The following ERVW-1 variants were observed in gnomAD, a reference collection of about 807,000 sequenced individuals.
ERVW-1 encodes the protein endogenous retrovirus group W member 1, envelope, also known as syncytin-1.
ERVW-1 carries 21 observed loss-of-function variants against 16.6 expected under a neutral mutation model. The ratio of observed to expected loss-of-function variants is 1.26; its 90% CI spans 0.90 to 1.82. The LOEUF (loss-of-function observed/expected upper bound fraction) is 1.82, where lower values mean the gene tolerates loss of function less well. ERVW-1 is among the 40% of genes most tolerant of loss of function. ERVW-1 has a pLI of 0.00. For synonymous variants in ERVW-1, 161 were observed against 109.8 expected (o/e 1.47, Z -2.92); for missense variants, 412 against 300.2 (o/e 1.37, Z -2.75).
chr7:92,470,237 C>T lies in ERVW-1; in HGVS notation c.145G>A (p.Ala49Thr), dbSNP rs771588172. The change falls in exon 2 of 2, where the codon GCC (alanine) becomes ACC (threonine). Residue 49 changes from alanine to threonine, a missense_variant. Transcript: ENST00000603053. Reference sequence around the variant, plus strand: ...TTAGAAAGACTCCTATACGATGGGGCATCAATATTTCCGGGACGCTGCATT... The same window carrying T: ...TTAGAAAGACTCCTATACGATGGGGTATCAATATTTCCGGGACGCTGCATT... ...WRMQRPGNID[A>T]PSYRSLSKGT... 1.3e-6 allele frequency: 1 copy of T among 778,652 alleles called. No individual in the cohort carries two copies. Among genetic ancestry groups the T allele is most frequent in the Non-Finnish European group, 2.4e-6 (1 of 417,868 alleles). 48.2% of individuals were successfully genotyped at this position (778,652 alleles called of 1,614,324 possible). A position where few individuals can be genotyped will look rare whatever the true frequency, so the allele number is the denominator to read the frequency against.
rs531884309 is a variant in ERVW-1, at chr7:92,470,173, C to T, written c.209G>A (p.Arg70His). 1.9e-5 allele frequency: 15 copies of T among 778,552 alleles called. No individual in the cohort carries two copies. The highest frequency in any genetic ancestry group is 7.3e-5 in the East Asian group (3 of 41,238). 48.2% of individuals were successfully genotyped at this position (778,552 alleles called of 1,614,324 possible). Residue 70 changes from arginine to histidine, a missense_variant, in exon 2 of 2, where the codon CGC becomes CAC. Arg to His is a conservative substitution (Grantham distance 29, BLOSUM62 0). Transcript: ENST00000603053. ...PTFTAHTHMP[R>H]NCYHSATLCM... ...AAGAGTGGCAGAGTGATAGCAGTTG[C>T]GGGGCATATGGGTGTGGGCAGTGAA...
Position 92,470,071 on chromosome 7 carries a change from A to T in ERVW-1, c.311T>A (p.Val104Asp). 1 of 778,828 alleles carries T rather than the reference A, an allele frequency of 1.3e-6. No homozygotes were observed. The allele number at this position is 778,828 out of a possible 1,614,324, so 48.2% of individuals were successfully genotyped here. ...PSCPGGLGVTVCWTYFTQTGM... is the reference protein window; with the variant it reads ...PSCPGGLGVTDCWTYFTQTGM... ...AGTTTGGGTGAAGTAAGTCCAACAG[A>T]CAGTGACTCCAAGTCCTCCAGGACA... is the stretch of plus-strand genomic sequence containing the variant. The change falls in exon 2 of 2, where the codon GTC becomes GAC. Residue 104 changes from valine (V) to aspartate (D), a missense_variant. Val to Asp is a radical substitution (Grantham distance 152). Transcript: ENST00000603053.
At chr7:92,475,732 C>G (rs919708045) in intron 1 of ERVW-1, among the ~76,000 whole-genome samples, 5 of 152,202 alleles carry the variant, frequency 3.3e-5, no homozygotes, top group African/African-American at 1.2e-4. Flanking sequence ...CCAGCATGCC[C>G]AACATTGCCT....
At position 92,470,314 on chromosome 7, in the gene ERVW-1, G is replaced by T. The variant is rs1357182500; in HGVS notation, c.68C>A (p.Pro23His). ...GCTACTGGTCATACAGCGGCATGGA[G>T]GGGGTGCAGTGAGAGTGAAAGAGGG... is the stretch of plus-strand genomic sequence containing the variant. ...LLPSFTLTAP[P>H]PCRCMTSSSP... is the part of the protein sequence containing the mutation. Residue 23 changes from proline (P) to histidine (H), a missense_variant, in exon 2 of 2, where the codon CCT (proline) becomes CAT (histidine). Physicochemically the swap from Pro to His is moderately conservative, Grantham distance 77 (BLOSUM62 -2). Coordinates refer to ENST00000603053, the MANE Select transcript of ERVW-1 (RefSeq NM_001130925.2). 1.3e-6 allele frequency: 1 copy of T among 775,592 alleles called. No homozygotes were observed. The highest frequency in any genetic ancestry group is 1.7e-5 in the Admixed American group (1 of 58,600). The allele number at this position is 775,592 out of a possible 1,614,324, so 48.0% of individuals were successfully genotyped here. A position where few individuals can be genotyped will look rare whatever the true frequency, so the allele number is the denominator to read the frequency against.
Position 92,470,119 on chromosome 7 carries a change from G to C in ERVW-1, c.263C>G (p.Thr88Arg), listed in dbSNP as rs1790277032. 1.3e-6 allele frequency: 1 copy of C among 778,678 alleles called. No homozygotes were observed. The highest frequency in any genetic ancestry group is 1.7e-5 in the African/African-American group (1 of 59,030). 48.2% of individuals were successfully genotyped at this position (778,678 alleles called of 1,614,324 possible). A position where few individuals can be genotyped will look rare whatever the true frequency, so the allele number is the denominator to read the frequency against. The change falls in exon 2 of 2, where the codon ACA becomes AGA. Residue 88 changes from threonine (T) to arginine (R), a missense_variant. By Grantham distance (71) the Thr-to-Arg change is moderately conservative. Transcript: ENST00000603053. ...ACAACTAGGATTAATCATTTTTCCT[G>C]TCCAATAATGAGTATTTGCATGCAT... ...LCMHANTHYW[T>R]GKMINPSCPG...
At chr7:92,476,616 GTCTC>G (rs746818342) in intron 1 of ERVW-1, among the ~76,000 whole-genome samples, 10 of 150,962 alleles carry the variant, frequency 6.6e-5, no homozygotes, top group African/African-American at 2.4e-4. Flanking sequence ...TCTCCTCTTT[GTCTC>G]TCTCTCTCTT....
At chr7:92,472,097 C>A (rs1790373187) in intron 1 of ERVW-1, 1 of 152,126 alleles carries the variant, frequency 6.6e-6, no homozygotes, top group Admixed American at 6.5e-5. Context: ...CTAAAAGGTC[C>A]CCTCGAGTGG....
chr7:92,474,462 A>C (rs1790462436), intron 1 of ERVW-1: 1 of 152,160 alleles, frequency 6.6e-6, no homozygotes, highest in African/African-American at 2.4e-5. Flanking sequence ...ACTTCTTCCT[A>C]GTTTTCCTTA....
chr7:92,473,488 C>G (rs1270760089), intron 1 of ERVW-1, among the ~76,000 whole-genome samples: 2 of 152,000 alleles, frequency 1.3e-5, no homozygotes, highest in Non-Finnish European at 2.9e-5. Flanking sequence ...TATTGTCCTT[C>G]TGTTGCCCAG....
chr7:92,473,710 T>C (rs1790434831), intron 1 of ERVW-1, among the ~76,000 whole-genome samples: 1 of 151,798 alleles, frequency 6.6e-6, no homozygotes, highest in East Asian at 1.9e-4. Flanking sequence ...ACTGCCCGTC[T>C]TAGGACCCCC....
chr7:92,476,161 A>G (rs1162663257), intron 1 of ERVW-1, among the ~76,000 whole-genome samples: 5 of 152,182 alleles, frequency 3.3e-5, no homozygotes, highest in Admixed American at 3.3e-4. Context: ...GGTTAAGGGA[A>G]TTATCAGTGG....
intron 1 of ERVW-1, among the ~76,000 whole-genome samples, 160 bp downstream of exon 1, chr7:92,477,222 G>T (rs903410390): frequency 2.6e-5 from 4 of 152,132 alleles, no homozygotes; most frequent in African/African-American, 9.7e-5. Context: ...AGGGTTGGGG[G>T]TTGTTAGAAA....
rs1445514346 is a variant in ERVW-1, at chr7:92,469,344, G to A, written c.1038C>T (p.Phe346=). The change falls in exon 2 of 2, where the codon TTC becomes TTT. Residue 346 remains phenylalanine, a synonymous_variant. Coordinates refer to ENST00000603053, the MANE Select transcript of ERVW-1 (RefSeq NM_001130925.2). Reference sequence around the variant, plus strand: ...TTAGTTCTTGAGATAGTTTGTAGTAGAACTGAGTAGAGGTTGTGATACCGC... The same window carrying A: ...TTAGTTCTTGAGATAGTTTGTAGTAAAACTGAGTAGAGGTTGTGATACCGC... ...GIGGITTSTQ[F]YYKLSQELNG... 1 of 765,300 alleles carries A rather than the reference G, an allele frequency of 1.3e-6. No individual in the cohort carries two copies. Among genetic ancestry groups the A allele is most frequent in the Admixed American group, 1.7e-5 (1 of 59,032 alleles). 47.4% of individuals were successfully genotyped at this position (765,300 alleles called of 1,614,324 possible).
At chr7:92,470,954 G>C (rs920520643) in intron 1 of ERVW-1, 1 of 167,184 alleles carries the variant, frequency 6.0e-6, no homozygotes, top group South Asian at 2.1e-4. Context: ...TCATTTTCTC[G>C]ACCTTCCCTG....
chr7:92,472,797 G>C (rs1268239974), intron 1 of ERVW-1: 1 of 152,244 alleles, frequency 6.6e-6, no homozygotes, highest in Non-Finnish European at 1.5e-5. Flanking sequence ...GGTGCCTTTG[G>C]ATAATTTTAG....
rs186180087 is a variant in ERVW-1 at position 92,470,974 on chromosome 7, G to A, written c.-227-366C>T. The A allele has an allele frequency of 3.1e-3, 527 of 167,310 alleles. 10 individuals are homozygous for A. Among genetic ancestry groups the A allele is most frequent in the Non-Finnish European group, 1.9e-3 (133 of 68,228 alleles). 10.4% of individuals were successfully genotyped at this position (167,310 alleles called of 1,614,324 possible). A position where few individuals can be genotyped will look rare whatever the true frequency, so the allele number is the denominator to read the frequency against. On this transcript the variant is annotated intron_variant, in intron 1 of 1. Coordinates refer to ENST00000603053, the MANE Select transcript of ERVW-1 (RefSeq NM_001130925.2). ...TTCTCGACCTTCCCTGAGGACTGTG[G>A]CCTTCAGGCGCAGTGTAAGTGATAT...
Position 92,468,842 on chromosome 7 carries a change from C to T in ERVW-1, c.1540G>A (p.Asp514Asn), listed in dbSNP as rs764412319. 5.2e-6 allele frequency: 4 copies of T among 764,384 alleles called. No individual in the cohort carries two copies. The highest frequency in any genetic ancestry group is 7.2e-6 in the Non-Finnish European group (3 of 417,802). The allele number at this position is 764,384 out of a possible 1,614,324, so 47.4% of individuals were successfully genotyped here. ...RPASPRSDVN[D>N]IKGTPPEEIS... ...TCCTCAGGAGGGGTGCCTTTGATGT[C>T]ATTAACATCAGATCGTGGGCTAGCA... Residue 514 changes from aspartate (D) to asparagine (N), a missense_variant, in exon 2 of 2, where the codon GAC becomes AAC. Transcript: ENST00000603053.
intron 1 of ERVW-1, chr7:92,472,422 A>G (rs192065269): frequency 7.2e-5 from 11 of 152,290 alleles, no homozygotes; most frequent in South Asian, 2.1e-4. Context: ...CACTACATCA[A>G]TTTCCTTAGT....
intron 1 of ERVW-1, chr7:92,473,153 G>A (rs1790412205): frequency 6.6e-6 from 1 of 152,180 alleles, no homozygotes; most frequent in Non-Finnish European, 1.5e-5. Context: ...GAAGGTCCAG[G>A]ACTGTAAACC....
Sources: gnomAD v4.1 joint callset for allele counts (sites outside exome capture counted in the v4.1 genomes callset) on GRCh38, gnomAD v4.1.1 for gene constraint, MANE v1.5 for transcripts, NCBI Gene and HGNC (gene_info 2026-07-23, HGNC 2026-07-21) for gene names.